The following ADAMTS14 variants were observed in gnomAD, a reference collection of about 807,000 sequenced individuals.
The protein encoded by ADAMTS14 is ADAM metallopeptidase with thrombospondin type 1 motif 14.
In ADAMTS14, 100 loss-of-function variants were observed where a neutral mutation model predicts 128.6. The observed-to-expected ratio is 0.78, with a 90% CI of 0.66 to 0.92. ADAMTS14 has a LOEUF of 0.92. Among genes scored for constraint, ADAMTS14 ranks in the 40% least tolerant of loss-of-function variants. The pLI is 0.00. For missense variants in ADAMTS14, 1,562 were observed against 1,658.6 expected, an observed-to-expected ratio of 0.94 and a Z score of 1.01; for synonymous variants, 665 against 653.8, an observed-to-expected ratio of 1.02 and a Z score of -0.26.
In ADAMTS14 at chr10:70,743,529, A is replaced by G. The variant is rs748698690; in HGVS notation, c.1925-19A>G. On this transcript the variant is annotated intron_variant, in intron 12 of 21. Transcript: ENST00000373207. ...CTCTGAGCCCAGCTGGGGACTCAGCATAGTCCCTCTCCCTACAGACGCCCA... is the reference window on the plus strand; with the variant it reads ...CTCTGAGCCCAGCTGGGGACTCAGCGTAGTCCCTCTCCCTACAGACGCCCA... 6.2e-7 allele frequency: 1 copy of G among 1,609,666 alleles called. No individual in the cohort carries two copies. The highest frequency in any genetic ancestry group is 8.5e-7 in the Non-Finnish European group (1 of 1,178,588).
intron 2 of ADAMTS14, among the ~76,000 whole-genome samples, chr10:70,678,200 G>A (rs1001627094): frequency 2.6e-5 from 4 of 152,214 alleles, no homozygotes; most frequent in African/African-American, 9.7e-5. Flanking sequence ...ATTAGTACAG[G>A]ACTTTATAGT....
chr10:70,688,675 G>C (rs1410889266), intron 2 of ADAMTS14, among the ~76,000 whole-genome samples: 3 of 114,292 alleles, frequency 2.6e-5, no homozygotes, highest in East Asian at 2.2e-4. Flanking sequence ...AGACTGGCCC[G>C]GCCAACACAG....
At chr10:70,738,033 C>A (rs1841880895) in intron 10 of ADAMTS14, among the ~76,000 whole-genome samples, 1 of 152,194 alleles carries the variant, frequency 6.6e-6, no homozygotes, top group South Asian at 2.1e-4. Context: ...GTTCCTACCC[C>A]TAGTGATTCT....
intron 4 of ADAMTS14, among the ~76,000 whole-genome samples, chr10:70,724,048 T>G (rs1841352498): frequency 6.6e-6 from 1 of 152,218 alleles, no homozygotes; most frequent in East Asian, 1.9e-4. Context: ...TGAGGCTGTA[T>G]GCCAAGCCCT....
chr10:70,742,768 CAGTA>C (rs1842041711), intron 12 of ADAMTS14, among the ~76,000 whole-genome samples: 2 of 152,138 alleles, frequency 1.3e-5, no homozygotes, highest in South Asian at 4.1e-4. Flanking sequence ...CTAAGAAGCA[CAGTA>C]AGTGTTTATA....
chr10:70,716,759 G>A (rs929918086), intron 4 of ADAMTS14, among the ~76,000 whole-genome samples: 1 of 152,188 alleles, frequency 6.6e-6, no homozygotes, highest in African/African-American at 2.4e-5. Flanking sequence ...TGGGATGGAT[G>A]GTCCCATTGT....
Position 70,691,224 on chromosome 10 carries a change from T to C in ADAMTS14, c.523-11088T>C, listed in dbSNP as rs970855528. 2.8e-4 allele frequency among the ~76,000 whole-genome samples: 40 copies of C among 144,014 alleles called. 3 individuals carry two copies. Among genetic ancestry groups the C allele is most frequent in the African/African-American group, 9.6e-4 (39 of 40,816 alleles). 94.5% of individuals were successfully genotyped at this position (144,014 alleles called of 152,430 possible). A position where few individuals can be genotyped will look rare whatever the true frequency, so the allele number is the denominator to read the frequency against. The stretch of plus-strand genomic sequence containing the variant: ...ACTTCAAGCTTTTGGCTGGGCACGG[T>C]GGCTCACACCTGTAATCCTAGCACT... On this transcript the variant is annotated intron_variant, in intron 2 of 21. Transcript: ENST00000373207.
rs1017994061 is a variant in ADAMTS14 at position 70,755,070 on chromosome 10, C to G, written c.2937+1063C>G. 2.0e-5 allele frequency among the ~76,000 whole-genome samples: 3 copies of G among 152,040 alleles called. 1 individual carries two copies. The highest frequency in any genetic ancestry group is 7.3e-5 in the African/African-American group (3 of 41,374). ...CTGAGGTGGGCAGATCTTTGGGAGG[C>G]TGATGTGGGTGGATTGCTTGAGCCC... On this transcript the variant is annotated intron_variant, in intron 19 of 21. Coordinates refer to ENST00000373207, the MANE Select transcript of ADAMTS14 (RefSeq NM_080722.4).
chr10:70,687,360 C>T (rs1175090675), intron 2 of ADAMTS14, among the ~76,000 whole-genome samples: 38 of 68,712 alleles, frequency 5.5e-4, no homozygotes, highest in Middle Eastern at 0.019. Flanking sequence ...CCCTCCCGGA[C>T]GGGGCGGCTG....
chr10:70,751,615 C>T lies in ADAMTS14; in HGVS notation c.2565C>T (p.Ser855=), dbSNP rs993467147. 2 of 1,611,616 alleles carry T rather than the reference C, an allele frequency of 1.2e-6. No homozygotes were observed. The highest frequency in any genetic ancestry group is 2.7e-5 in the African/African-American group (2 of 74,904). The change falls in exon 17 of 22, where the codon AGC becomes AGT. Residue 855 remains serine, a synonymous_variant. Coordinates refer to ENST00000373207, the MANE Select transcript of ADAMTS14 (RefSeq NM_080722.4). ...ACACCTATGAGTGGGCGCTCAAGAG[C>T]TGGGCCCCCTGCAGCAAGGCCTGTG... ...EMDTYEWALK[S]WAPCSKACGG...
At position 70,748,972 on chromosome 10, in the gene ADAMTS14, G is replaced by A. The variant is rs118082022; in HGVS notation, c.2264-850G>A. ...CATGTCTCCCACCCACCTGCCTCCC[G>A]GGGTCTTTTGGTAATAAGTTGTGAG... On this transcript the variant is annotated intron_variant, in intron 15 of 21. Coordinates refer to ENST00000373207, the MANE Select transcript of ADAMTS14 (RefSeq NM_080722.4). 6.8e-4 allele frequency among the ~76,000 whole-genome samples: 104 copies of A among 152,294 alleles called. 1 individual carries two copies. The East Asian group carries it at 0.017, about 25-fold the overall frequency.
intron 18 of ADAMTS14, 126 bp downstream of exon 18, chr10:70,752,353 A>C: frequency 2.2e-6 from 3 of 1,341,878 alleles, no homozygotes; most frequent in Non-Finnish European, 3.0e-6. Context: ...AGGCAACACA[A>C]CTTTCAGTGC....
chr10:70,680,047 C>T (rs546434089), intron 2 of ADAMTS14, among the ~76,000 whole-genome samples: 8 of 152,296 alleles, frequency 5.3e-5, no homozygotes, highest in African/African-American at 1.4e-4. Context: ...TGAGAATATA[C>T]TAAAAACAAT....
intron 2 of ADAMTS14, among the ~76,000 whole-genome samples, chr10:70,689,627 G>C (rs554112511): frequency 6.9e-6 from 1 of 145,834 alleles, no homozygotes; most frequent in East Asian, 1.9e-4. Context: ...CAGCACTGGG[G>C]TGGTGTGAGC....
chr10:70,738,756 T>G, intron 10 of ADAMTS14, 86 bp from the exon 11 acceptor site: 1 of 1,584,726 alleles, frequency 6.3e-7, no homozygotes, highest in Non-Finnish European at 8.6e-7. Flanking sequence ...CCCAGGCTCA[T>G]GCTCTTGCTA....
intron 3 of ADAMTS14, among the ~76,000 whole-genome samples, chr10:70,706,507 C>G (rs1840672729): frequency 6.6e-6 from 1 of 152,206 alleles, no homozygotes; most frequent in African/African-American, 2.4e-5. Flanking sequence ...TGGGGGCTGC[C>G]CTCCTCTCTC....
intron 2 of ADAMTS14, among the ~76,000 whole-genome samples, chr10:70,696,437 A>C (rs908895525): frequency 6.6e-6 from 1 of 152,116 alleles, no homozygotes; most frequent in Non-Finnish European, 1.5e-5. Flanking sequence ...GGGAAGTGCA[A>C]CAGAACCTCA....
In ADAMTS14 at chr10:70,685,011, G is replaced by C. The variant is rs1793857409; in HGVS notation, c.522+10016G>C. Among the ~76,000 whole-genome samples, 3 of 152,266 alleles carry C rather than the reference G, an allele frequency of 2.0e-5. No homozygotes were observed. In the South Asian group the frequency reaches 6.2e-4, roughly 32 times the overall value. ...AAAAGCCAGACATCACCTCACTGCGGCTCCTCCGGAGCAGAGCCGGCCTCC... is the reference window on the plus strand; with the variant it reads ...AAAAGCCAGACATCACCTCACTGCGCCTCCTCCGGAGCAGAGCCGGCCTCC... On this transcript the variant is annotated intron_variant, in intron 2 of 21. Transcript: ENST00000373207.
At chr10:70,711,808 C>T (rs987307922) in intron 4 of ADAMTS14, among the ~76,000 whole-genome samples, 2 of 152,034 alleles carry the variant, frequency 1.3e-5, no homozygotes, top group Admixed American at 6.6e-5. Context: ...ACGAGAGAAG[C>T]GGGTGGCCGG....
Sources: gnomAD v4.1 joint callset for allele counts (sites outside exome capture counted in the v4.1 genomes callset) on GRCh38, gnomAD v4.1.1 for gene constraint, MANE v1.5 for transcripts, NCBI Gene and HGNC (gene_info 2026-07-23, HGNC 2026-07-21) for gene names.